Variants in PCDH15 observed in about 807,000 individuals in gnomAD.
The protein encoded by PCDH15 is protocadherin-15.
PCDH15 carries 129 observed loss-of-function variants against 178.5 expected under a neutral mutation model. That is an observed-to-expected ratio of 0.72 (90% CI 0.63 to 0.84). The LOEUF is 0.84. Ranked by LOEUF, PCDH15 falls within the 40% of genes least tolerant of loss-of-function variation. PCDH15 has a pLI of 0.00. For synonymous variants in PCDH15, 800 were observed against 732.0 expected (o/e 1.09, Z -1.50); for missense variants, 2,230 against 2,099.9 (o/e 1.06, Z -1.21).
At chr10:54,576,758 G>A (rs1018797505) in intron 2 of PCDH15, among the ~76,000 whole-genome samples, 1 of 152,172 alleles carries the variant, frequency 6.6e-6, no homozygotes, top group Non-Finnish European at 1.5e-5. Flanking sequence ...CACAGTTACA[G>A]TGTAGTAATA....
At chr10:54,018,733 T>C (rs1282802549) in intron 20 of PCDH15, among the ~76,000 whole-genome samples, 1 of 152,070 alleles carries the variant, frequency 6.6e-6, no homozygotes, top group Non-Finnish European at 1.5e-5. Flanking sequence ...TCCAATCCTA[T>C]GGTATGATCC....
intron 16 of PCDH15, among the ~76,000 whole-genome samples, chr10:54,088,841 T>A (rs1208125835): frequency 6.6e-6 from 1 of 152,190 alleles, no homozygotes; most frequent in Non-Finnish European, 1.5e-5. Flanking sequence ...CAATTGACCA[T>A]AAATACTAGA....
In PCDH15 at chr10:55,251,587, A is replaced by C. The variant is rs551658591; in HGVS notation, c.-156+68012T>G. Among the ~76,000 whole-genome samples the C allele has an allele frequency of 2.0e-5, 3 of 152,272 alleles. No homozygotes were observed. In the East Asian group the frequency reaches 5.8e-4, roughly 29 times the overall value. ...CGTGTGTTTATTCACTTTTTGAAGG[A>C]CATCGCCTATATTTTTAGTTTTGGG... On this transcript the variant is annotated intron_variant, in intron 1 of 5. Transcript: ENST00000458638.
chr10:54,114,681 G>T (rs2095083107), intron 15 of PCDH15, among the ~76,000 whole-genome samples: 1 of 152,136 alleles, frequency 6.6e-6, no homozygotes, highest in Admixed American at 6.5e-5. Flanking sequence ...TATAAGGTGG[G>T]TAGGTAAGAC....
At chr10:54,408,843 C>A (rs75640022) in intron 3 of PCDH15, among the ~76,000 whole-genome samples, 1 of 152,080 alleles carries the variant, frequency 6.6e-6, no homozygotes, top group East Asian at 1.9e-4. Flanking sequence ...CTGTAGTTGG[C>A]AATGTTGGCA....
At chr10:54,794,712 T>G (rs1233146199) in intron 1 of PCDH15, among the ~76,000 whole-genome samples, 1 of 151,856 alleles carries the variant, frequency 6.6e-6, no homozygotes, top group Non-Finnish European at 1.5e-5. Flanking sequence ...AAATCACCAT[T>G]CATAGCTCCT....
At position 53,865,117 on chromosome 10, in the gene PCDH15, C is replaced by G. The variant is rs565128979; in HGVS notation, c.3717+1525G>C. Among the ~76,000 whole-genome samples, 4 of 152,078 alleles carry G rather than the reference C, an allele frequency of 2.6e-5. No individual in the cohort carries two copies. In the East Asian group the frequency reaches 7.8e-4, roughly 30 times the overall value. ...CCTTGTTTCTTAGCAACAACAACAA[C>G]GATACTAATTATAGAATTTTGTATG... On this transcript the variant is annotated intron_variant, in intron 27 of 37. Transcript: ENST00000644397.
chr10:54,593,613 C>T (rs1428079630), intron 2 of PCDH15, among the ~76,000 whole-genome samples: 1 of 152,020 alleles, frequency 6.6e-6, no homozygotes, highest in Non-Finnish European at 1.5e-5. Context: ...ATGCCTCTAG[C>T]TTGCTTTTCT....
intron 3 of PCDH15, among the ~76,000 whole-genome samples, chr10:54,443,689 A>G (rs538016223): frequency 3.6e-4 from 55 of 151,768 alleles, no homozygotes; most frequent in African/African-American, 8.9e-4. Context: ...AAAATTTGTC[A>G]TCTATTGTTA....
At chr10:54,704,407 G>A (rs1056286543) in intron 1 of PCDH15, among the ~76,000 whole-genome samples, 5 of 151,992 alleles carry the variant, frequency 3.3e-5, no homozygotes, top group African/African-American at 1.2e-4. Flanking sequence ...TTTGCAAATT[G>A]TGCCTCTGAC....
chr10:54,559,844 T>G (rs890741673), intron 2 of PCDH15, among the ~76,000 whole-genome samples: 129 of 106,250 alleles, frequency 1.2e-3, no homozygotes, highest in African/African-American at 4.2e-3. Context: ...TTGGTTTGTC[T>G]TATAGTAAAA....
intron 5 of PCDH15, among the ~76,000 whole-genome samples, 156 bp from the exon 6 acceptor site, chr10:54,346,640 G>C (rs1478368721): frequency 6.6e-6 from 1 of 152,186 alleles, no homozygotes; most frequent in Non-Finnish European, 1.5e-5. Context: ...ACAGTTTTGA[G>C]CCTTACACAG....
chr10:54,626,095 G>A (rs1023355825), intron 2 of PCDH15, among the ~76,000 whole-genome samples: 2 of 152,126 alleles, frequency 1.3e-5, no homozygotes, highest in African/African-American at 4.8e-5. Flanking sequence ...AGATGATTTA[G>A]GGATATGTGG....
chr10:55,254,766 T>C (rs1841943716), intron 1 of PCDH15, among the ~76,000 whole-genome samples: 1 of 152,114 alleles, frequency 6.6e-6, no homozygotes, highest in Admixed American at 6.6e-5. Flanking sequence ...CTTATGTAAT[T>C]TGAAATACAA....
intron 26 of PCDH15, among the ~76,000 whole-genome samples, chr10:53,884,542 T>C (rs997760737): frequency 6.6e-6 from 1 of 152,158 alleles, no homozygotes; most frequent in Admixed American, 6.5e-5. Context: ...TGAAGATTAT[T>C]ATCAGGTTCC....
intron 9 of PCDH15, among the ~76,000 whole-genome samples, chr10:54,220,305 T>C (rs2052635090): frequency 6.6e-6 from 1 of 152,232 alleles, no homozygotes; most frequent in Non-Finnish European, 1.5e-5. Context: ...ATGGGAAAGA[T>C]ATTTATTGCT....
intron 3 of PCDH15, among the ~76,000 whole-genome samples, chr10:54,398,230 T>TG (rs1951491077): frequency 1.3e-5 from 2 of 150,484 alleles, no homozygotes; most frequent in African/African-American, 5.0e-5. Flanking sequence ...TCTTGCTTGT[T>TG]TAAAAAAAAA....
chr10:55,329,712 T>A (rs1168025739), intron 2 of PCDH15, among the ~76,000 whole-genome samples: 3 of 151,748 alleles, frequency 2.0e-5, no homozygotes, highest in Non-Finnish European at 4.4e-5. Flanking sequence ...GGGAGAGATT[T>A]GTGTATAATT....
At chr10:54,178,146 A>G (rs985032037) in intron 13 of PCDH15, among the ~76,000 whole-genome samples, 14 of 152,172 alleles carry the variant, frequency 9.2e-5, no homozygotes, top group African/African-American at 3.4e-4. Flanking sequence ...AGTTTTTCAT[A>G]AAAGGGTATA....
Sources: gnomAD v4.1 joint callset for allele counts (sites outside exome capture counted in the v4.1 genomes callset) on GRCh38, gnomAD v4.1.1 for gene constraint, MANE v1.5 for transcripts, NCBI Gene and HGNC (gene_info 2026-07-23, HGNC 2026-07-21) for gene names.